CC2D2B: variants seen among roughly 807,000 people sequenced by gnomAD.
CC2D2B encodes the protein coiled-coil and C2 domain containing 2B, also known as protein CC2D2B.
A neutral mutation model predicts 161.2 loss-of-function variants in CC2D2B; 128 were observed. That is an observed-to-expected ratio of 0.79 (90% confidence interval 0.69 to 0.92). The LOEUF is 0.92. CC2D2B is among the 40% of genes least tolerant of loss of function. The pLI, the probability that CC2D2B is intolerant of heterozygous loss-of-function variation, is 0.00. For missense variants in CC2D2B, 1,173 were observed against 1,375.1 expected (o/e 0.85, Z 2.32); for synonymous variants, 391 against 449.8 (o/e 0.87, Z 1.65).
intron 20 of CC2D2B, among the ~76,000 whole-genome samples, chr10:95,990,058 T>C (rs1430435458): frequency 6.6e-6 from 1 of 152,206 alleles, no homozygotes; most frequent in East Asian, 1.9e-4. Context: ...ACTGAAACGT[T>C]TTCTCTAAGA....
chr10:95,944,092 A>C (rs1044855335), intron 9 of CC2D2B, among the ~76,000 whole-genome samples: 1 of 152,194 alleles, frequency 6.6e-6, no homozygotes, highest in African/African-American at 2.4e-5. Flanking sequence ...CCAAATGCCT[A>C]GCATTGAACG....
chr10:96,019,506 C>A, intron 31 of CC2D2B, 169 bp downstream of exon 31: 1 of 818,198 alleles, frequency 1.2e-6, no homozygotes, highest in Non-Finnish European at 2.0e-6. Flanking sequence ...TTGTGTAGTG[C>A]CTTCAAGGAT....
In CC2D2B at chr10:95,974,083, C is replaced by G. The variant is rs988118418; in HGVS notation, c.1870C>G (p.Leu624Val). The change falls in exon 17 of 35, where the codon CTA becomes GTA. Residue 624 changes from leucine to valine, a missense_variant. Transcript: ENST00000646931. ...LLTSGKLSYS[L>V]SWSLDENGLP... Reference sequence around the variant, plus strand: ...GACATCAGGAAAACTTAGCTATTCTCTATCATGGAGCTTAGATGAAAATGG... The same window carrying G: ...GACATCAGGAAAACTTAGCTATTCTGTATCATGGAGCTTAGATGAAAATGG... 4.9e-6 allele frequency: 6 copies of G among 1,230,142 alleles called. No individual in the cohort carries two copies. The African/African-American group carries it at 7.8e-5, about 16-fold the overall frequency. The allele number at this position is 1,230,142 out of a possible 1,614,324, so 76.2% of individuals were successfully genotyped here.
intron 24 of CC2D2B, among the ~76,000 whole-genome samples, chr10:95,998,551 G>A (rs1034701229): frequency 1.3e-5 from 2 of 152,120 alleles, no homozygotes; most frequent in African/African-American, 4.8e-5. Context: ...TGTAGACAGA[G>A]AGAGAGAGAG....
chr10:95,934,540 C>T (rs1037331338), intron 6 of CC2D2B, among the ~76,000 whole-genome samples: 5 of 152,128 alleles, frequency 3.3e-5, no homozygotes, highest in Non-Finnish European at 5.9e-5. Flanking sequence ...GCCCTGGTGA[C>T]GTAGGCCCCC....
At chr10:95,923,171 C>T (rs1330331130) in intron 3 of CC2D2B, among the ~76,000 whole-genome samples, 1 of 152,100 alleles carries the variant, frequency 6.6e-6, no homozygotes, top group Non-Finnish European at 1.5e-5. Context: ...AGGCTGGTCT[C>T]GAACTCCTGA....
At chr10:95,991,091 T>C (rs527996717) in intron 20 of CC2D2B, among the ~76,000 whole-genome samples, 1 of 151,908 alleles carries the variant, frequency 6.6e-6, no homozygotes, top group Non-Finnish European at 1.5e-5. Context: ...GTGAGTTAGA[T>C]GAAAAAAATA....
chr10:95,990,070 G>C (rs1191107621), intron 20 of CC2D2B, among the ~76,000 whole-genome samples: 1 of 152,044 alleles, frequency 6.6e-6, no homozygotes, highest in East Asian at 1.9e-4. Flanking sequence ...TCTCTAAGAG[G>C]GTAGCACATC....
At chr10:95,991,004 T>C in intron 20 of CC2D2B, among the ~76,000 whole-genome samples, 1 of 152,232 alleles carries the variant, frequency 6.6e-6, no homozygotes, top group East Asian at 1.9e-4. Flanking sequence ...TCATATCCAT[T>C]ACTAGTGGCT....
chr10:96,029,993 T>G (rs748513631), intron 34 of CC2D2B, among the ~76,000 whole-genome samples: 1 of 151,992 alleles, frequency 6.6e-6, no homozygotes, highest in Non-Finnish European at 1.5e-5. Context: ...AAAATATTTT[T>G]GTAAAGATGG....
At chr10:95,995,668 G>A (rs1442513809) in intron 23 of CC2D2B, among the ~76,000 whole-genome samples, 1 of 152,124 alleles carries the variant, frequency 6.6e-6, no homozygotes, top group African/African-American at 2.4e-5. Context: ...TGTTCTATGA[G>A]GCCTCTACTA....
Position 96,004,230 on chromosome 10 carries a change from G to A in CC2D2B, c.2928G>A (p.Met976Ile), listed in dbSNP as rs2078651542. 3 of 1,488,182 alleles carry A rather than the reference G, an allele frequency of 2.0e-6. No individual in the cohort carries two copies. Among genetic ancestry groups the A allele is most frequent in the African/African-American group, 1.4e-5 (1 of 69,532 alleles). 92.2% of individuals were successfully genotyped at this position (1,488,182 alleles called of 1,614,324 possible). The change falls in exon 25 of 35, where the codon ATG becomes ATA. Residue 976 changes from methionine (M) to isoleucine (I), a missense_variant. Met to Ile is a conservative substitution (Grantham distance 10). This residue lies in a region of CC2D2B where 598 missense variants were observed against 693.2 expected (regional missense o/e 0.86). Transcript: ENST00000646931. ...TATATATCAACATTTTTGATGAAATGATGACTGAAAAACATGAGGTAAAGT... is the reference window on the plus strand; with the variant it reads ...TATATATCAACATTTTTGATGAAATAATGACTGAAAAACATGAGGTAAAGT... The part of the protein sequence containing the change: ...DNIYINIFDE[M>I]MTEKHEDHCL...
chr10:96,007,875 G>A (rs1396859701), intron 25 of CC2D2B, among the ~76,000 whole-genome samples: 1 of 152,046 alleles, frequency 6.6e-6, no homozygotes, highest in Non-Finnish European at 1.5e-5. Flanking sequence ...CCTAATCCCT[G>A]CTTCTCCCTA....
intron 9 of CC2D2B, among the ~76,000 whole-genome samples, chr10:95,947,277 T>G (rs1463650990): frequency 6.6e-6 from 1 of 150,572 alleles, no homozygotes; most frequent in Non-Finnish European, 1.5e-5. Flanking sequence ...CACTCCCGGC[T>G]AATTTTTGTA....
chr10:95,982,038 G>A lies in CC2D2B; in HGVS notation c.2007G>A (p.Lys669=). ...PGIPWLMNEQ[K]LFEWANEVRI... is the part of the protein sequence containing the mutation. ...TTCCATGGCTCATGAATGAACAGAA[G>A]CTTTTTGAATGGGCAAATGAAGTCA... The change falls in exon 18 of 35, where the codon AAG becomes AAA. Residue 669 remains lysine (K), a synonymous_variant. Transcript: ENST00000646931. The A allele has an allele frequency of 1.6e-6, 2 of 1,230,946 alleles. No homozygotes were observed. The highest frequency in any genetic ancestry group is 1.6e-5 in the African/African-American group (1 of 64,500). The allele number at this position is 1,230,946 out of a possible 1,614,324, so 76.3% of individuals were successfully genotyped here. A position where few individuals can be genotyped will look rare whatever the true frequency, so the allele number is the denominator to read the frequency against.
At chr10:95,929,219 A>T (rs1307343203) in intron 6 of CC2D2B, among the ~76,000 whole-genome samples, 2 of 152,076 alleles carry the variant, frequency 1.3e-5, no homozygotes, top group African/African-American at 4.8e-5. Flanking sequence ...GTGTCTGTTC[A>T]TATCCTTCGC....
chr10:96,024,360 T>C (rs1419499281), intron 32 of CC2D2B, among the ~76,000 whole-genome samples: 1 of 152,250 alleles, frequency 6.6e-6, no homozygotes, highest in Non-Finnish European at 1.5e-5. Flanking sequence ...TGATCAACCA[T>C]GTTAGAATAA....
intron 3 of CC2D2B, 84 bp downstream of exon 3, chr10:95,922,160 A>C: frequency 1.5e-6 from 1 of 674,340 alleles, no homozygotes; most frequent in Non-Finnish European, 2.4e-6. Context: ...CCAGGGTTTC[A>C]GCTGGGAACA....
intron 15 of CC2D2B, among the ~76,000 whole-genome samples, chr10:95,969,580 G>T (rs2077051581): frequency 6.6e-6 from 1 of 152,026 alleles, no homozygotes; most frequent in Non-Finnish European, 1.5e-5. Flanking sequence ...AGTAGGGAGA[G>T]AATTGTAGTT....
Sources: allele counts gnomAD v4.1 joint callset (sites outside exome capture counted in the v4.1 genomes callset), GRCh38; gene constraint gnomAD v4.1.1; regional missense constraint gnomAD v4.1.1; transcripts MANE v1.5; gene names NCBI Gene and HGNC (gene_info 2026-07-23, HGNC 2026-07-21).